PHACTR1: variants seen among roughly 807,000 people sequenced by gnomAD.
The protein encoded by PHACTR1 is phosphatase and actin regulator 1.
PHACTR1 carries 16 observed loss-of-function variants against 69.2 expected under a neutral mutation model. That is an observed-to-expected ratio of 0.23 (90% confidence interval 0.16 to 0.35). PHACTR1 has a LOEUF of 0.35. Among genes scored for constraint, PHACTR1 ranks in the 10% least tolerant of loss-of-function variants. The probability of loss-of-function intolerance (pLI) is 1.00; values close to 1 mark genes in which losing one functional copy is unlikely to be tolerated. For missense variants in PHACTR1, 510 were observed against 734.7 expected, an observed-to-expected ratio of 0.69 and a Z score of 3.54; for synonymous variants, 312 against 284.5, an observed-to-expected ratio of 1.10 and a Z score of -0.97.
intron 5 of PHACTR1, among the ~76,000 whole-genome samples, chr6:13,067,446 C>T (rs574121515): frequency 3.8e-4 from 58 of 152,204 alleles, no homozygotes; most frequent in African/African-American, 1.2e-3. Flanking sequence ...CCTTTTTTGA[C>T]GTATCTCTAT....
chr6:12,948,334 T>A (rs373114434), intron 4 of PHACTR1, among the ~76,000 whole-genome samples: 10 of 152,092 alleles, frequency 6.6e-5, no homozygotes, highest in African/African-American at 1.9e-4. Flanking sequence ...GGAAAATGTC[T>A]CAGTGGAAGG....
At chr6:13,018,547 C>G (rs1282311937) in intron 4 of PHACTR1, among the ~76,000 whole-genome samples, 4 of 152,162 alleles carry the variant, frequency 2.6e-5, no homozygotes, top group African/African-American at 4.8e-5. Context: ...TCCAGTTTTG[C>G]CTTGGGCCTT....
intron 5 of PHACTR1, among the ~76,000 whole-genome samples, chr6:13,110,818 CT>C (rs1162307028): frequency 6.6e-6 from 1 of 152,162 alleles, no homozygotes; most frequent in Non-Finnish European, 1.5e-5. Context: ...CAGGTTCCTA[CT>C]TTTTTACAGT....
At chr6:12,963,499 T>G (rs1793028382) in intron 4 of PHACTR1, among the ~76,000 whole-genome samples, 1 of 151,778 alleles carries the variant, frequency 6.6e-6, no homozygotes, top group Non-Finnish European at 1.5e-5. Context: ...AAAAATATAT[T>G]AGGAGGAACA....
At chr6:13,078,161 G>A (rs1041984276) in intron 5 of PHACTR1, among the ~76,000 whole-genome samples, 1 of 151,904 alleles carries the variant, frequency 6.6e-6, no homozygotes, top group South Asian at 2.1e-4. Flanking sequence ...GTTTTTTTTG[G>A]GGGGAGTGGG....
chr6:13,020,699 C>T (rs1800837016), intron 4 of PHACTR1, among the ~76,000 whole-genome samples: 1 of 152,226 alleles, frequency 6.6e-6, no homozygotes, highest in Non-Finnish European at 1.5e-5. Context: ...AGGGTCTGTC[C>T]TATCTCCTCA....
chr6:12,937,682 C>A (rs1464464528), intron 4 of PHACTR1, among the ~76,000 whole-genome samples: 1 of 151,616 alleles, frequency 6.6e-6, no homozygotes, highest in Non-Finnish European at 1.5e-5. Flanking sequence ...GTGGGCAGAA[C>A]AAAAGCTCCC....
At chr6:13,116,896 C>T (rs983767469) in intron 5 of PHACTR1, among the ~76,000 whole-genome samples, 1 of 152,120 alleles carries the variant, frequency 6.6e-6, no homozygotes, top group Non-Finnish European at 1.5e-5. Flanking sequence ...ATTACTTGTC[C>T]CAAGTGACAC....
rs1786486410 is a variant in PHACTR1 at position 12,912,155 on chromosome 6, G to A, written c.251-141210G>A. On this transcript the variant is annotated intron_variant, in intron 4 of 14. Coordinates refer to ENST00000332995, the MANE Select transcript of PHACTR1 (RefSeq NM_030948.6). ...TGGAATTACAGGCATGCACCACCAT[G>A]CCTGGCTAATTTTTTTGTATTTTTA... is the stretch of plus-strand genomic sequence containing the variant. 2.6e-5 allele frequency among the ~76,000 whole-genome samples: 4 copies of A among 152,086 alleles called. No homozygotes were observed. In the South Asian group the frequency reaches 8.3e-4, roughly 32 times the overall value.
intron 4 of PHACTR1, among the ~76,000 whole-genome samples, chr6:12,849,227 T>A (rs1267652194): frequency 6.6e-6 from 1 of 152,220 alleles, no homozygotes; most frequent in African/African-American, 2.4e-5. Flanking sequence ...CTTGCCGCAA[T>A]GCCAGTAGTT....
chr6:12,760,492 G>A (rs539046653), intron 4 of PHACTR1, among the ~76,000 whole-genome samples: 1 of 152,208 alleles, frequency 6.6e-6, no homozygotes. Context: ...GAACTTAGAG[G>A]AAGTGTTGTG....
intron 4 of PHACTR1, among the ~76,000 whole-genome samples, chr6:12,763,313 C>T (rs1226071666): frequency 6.6e-6 from 1 of 152,082 alleles, no homozygotes; most frequent in Non-Finnish European, 1.5e-5. Context: ...TAAAACCATC[C>T]ACAAAAATAA....
chr6:13,184,671 C>T (rs189511606), intron 7 of PHACTR1: 5 of 601,352 alleles, frequency 8.3e-6, no homozygotes, highest in East Asian at 5.6e-5. Flanking sequence ...TCTACACATG[C>T]GTGGCGGCCT....
chr6:13,170,225 A>G (rs1475912896), intron 6 of PHACTR1, among the ~76,000 whole-genome samples: 1 of 152,240 alleles, frequency 6.6e-6, no homozygotes, highest in Non-Finnish European at 1.5e-5. Flanking sequence ...TCATAGATGA[A>G]AATTTGCGCA....
intron 4 of PHACTR1, among the ~76,000 whole-genome samples, chr6:12,776,365 A>G (rs1252333336): frequency 6.6e-6 from 1 of 152,214 alleles, no homozygotes; most frequent in Non-Finnish European, 1.5e-5. Context: ...TTGTGCTGAA[A>G]AAGCTTACTC....
chr6:13,156,792 G>A lies in PHACTR1; in HGVS notation c.416-3412G>A, dbSNP rs577568066. The stretch of plus-strand genomic sequence containing the variant: ...ATTGAGTTATGCAGTCAAGAACCAA[G>A]GTATCCTCCTTGGCCTTTCTCTTTC... On this transcript the variant is annotated intron_variant, in intron 5 of 14. Transcript: ENST00000332995. Among the ~76,000 whole-genome samples, 62 of 152,134 alleles carry A rather than the reference G, an allele frequency of 4.1e-4. 1 individual carries two copies. The South Asian group carries it at 0.013, about 31-fold the overall frequency.
At chr6:12,970,495 C>T (rs761955807) in intron 4 of PHACTR1, among the ~76,000 whole-genome samples, 4 of 152,054 alleles carry the variant, frequency 2.6e-5, no homozygotes, top group African/African-American at 9.7e-5. Context: ...CTTGGCCCGG[C>T]GTAGTGGCTC....
chr6:13,009,271 A>G (rs929950514), intron 4 of PHACTR1, among the ~76,000 whole-genome samples: 8 of 152,144 alleles, frequency 5.3e-5, no homozygotes, highest in Middle Eastern at 6.3e-3. Flanking sequence ...CAGGTGGGAG[A>G]GGCGGACACC....
chr6:12,959,278 G>A (rs1792378693), intron 4 of PHACTR1, among the ~76,000 whole-genome samples: 1 of 151,558 alleles, frequency 6.6e-6, no homozygotes, highest in South Asian at 2.1e-4. Context: ...TTGTATATCG[G>A]AATTAAAAAA....
Sources: allele counts gnomAD v4.1 joint callset (sites outside exome capture counted in the v4.1 genomes callset), GRCh38; gene constraint gnomAD v4.1.1; transcripts MANE v1.5; gene names NCBI Gene and HGNC (gene_info 2026-07-23, HGNC 2026-07-21).